Variants in KLHL1 observed in about 807,000 individuals in gnomAD.
KLHL1 encodes the protein kelch-like protein 1.
KLHL1 carries 47 observed loss-of-function variants against 77.7 expected under a neutral mutation model. The observed-to-expected ratio is 0.60, with a 90% CI of 0.48 to 0.77. The LOEUF is 0.77. KLHL1 is among the 30% of genes least tolerant of loss of function. KLHL1 has a pLI of 0.00. For synonymous variants in KLHL1, 360 were observed against 325.2 expected, an observed-to-expected ratio of 1.11 and a Z score of -1.15; for missense variants, 925 against 910.8, an observed-to-expected ratio of 1.02 and a Z score of -0.20.
At chr13:69,823,456 A>G (rs1311223629) in intron 6 of KLHL1, among the ~76,000 whole-genome samples, 1 of 152,064 alleles carries the variant, frequency 6.6e-6, no homozygotes, top group African/African-American at 2.4e-5. Flanking sequence ...AAATTAAAAA[A>G]TCATTAAAAT....
At chr13:69,815,999 G>T (rs1878105090) in intron 6 of KLHL1, among the ~76,000 whole-genome samples, 1 of 151,122 alleles carries the variant, frequency 6.6e-6, no homozygotes, top group Admixed American at 6.6e-5. Context: ...TAATCAAGAG[G>T]AAAAATAGAA....
chr13:69,705,976 G>A (rs894073919), intron 10 of KLHL1, among the ~76,000 whole-genome samples: 1 of 151,392 alleles, frequency 6.6e-6, no homozygotes, highest in African/African-American at 2.4e-5. Flanking sequence ...GTTCTTTTAA[G>A]TGGAACATTT....
At chr13:69,820,119 C>G (rs920214193) in intron 6 of KLHL1, among the ~76,000 whole-genome samples, 4 of 152,124 alleles carry the variant, frequency 2.6e-5, no homozygotes, top group African/African-American at 9.7e-5. Flanking sequence ...GGCCCATCAG[C>G]CCCATACCCT....
intron 1 of KLHL1, among the ~76,000 whole-genome samples, chr13:70,057,877 A>G (rs1428103523): frequency 6.6e-6 from 1 of 152,240 alleles, no homozygotes; most frequent in African/African-American, 2.4e-5. Flanking sequence ...TCCTCAATAA[A>G]TTATGAGCAA....
At chr13:69,973,309 A>G (rs1357647752) in intron 2 of KLHL1, among the ~76,000 whole-genome samples, 2 of 151,878 alleles carry the variant, frequency 1.3e-5, no homozygotes, top group Admixed American at 6.6e-5. Context: ...TATGTTAACT[A>G]AAAATAAAAT....
intron 7 of KLHL1, among the ~76,000 whole-genome samples, chr13:69,753,851 A>G (rs371224160): frequency 4.1e-5 from 6 of 145,048 alleles, no homozygotes; most frequent in Admixed American, 2.7e-4. Flanking sequence ...GAAAAAAAAA[A>G]TTTTGAGACC....
intron 1 of KLHL1, among the ~76,000 whole-genome samples, chr13:69,993,856 G>C (rs1224193809): frequency 1.3e-5 from 2 of 152,074 alleles, no homozygotes. Flanking sequence ...CAAGATACTG[G>C]CATCAGAATG....
In KLHL1 at chr13:69,926,946, C is replaced by CAAAAAAAAAAAAAA. The variant is rs71116960; in HGVS notation, c.1014+13080_1014+13093dup. On this transcript the variant is annotated intron_variant, in intron 4 of 10. Transcript: ENST00000377844. ...TGGGTGACAGAGTGAGACTCCATCT[C>CAAAAAAAAAAAAAA]AAAAAAAAAAAAAAAAAAAAAAAAG... Among the ~76,000 whole-genome samples the CAAAAAAAAAAAAAA allele has an allele frequency of 1.7e-4, 6 of 36,038 alleles. 2 individuals carry two copies. Among genetic ancestry groups the CAAAAAAAAAAAAAA allele is most frequent in the African/African-American group, 3.8e-4 (3 of 7,794 alleles). 23.6% of individuals were successfully genotyped at this position (36,038 alleles called of 152,430 possible).
At chr13:69,905,416 C>A (rs1882013617) in intron 4 of KLHL1, among the ~76,000 whole-genome samples, 1 of 151,998 alleles carries the variant, frequency 6.6e-6, no homozygotes, top group Non-Finnish European at 1.5e-5. Flanking sequence ...CAAATGCTGG[C>A]ATTAGTTACA....
intron 5 of KLHL1, among the ~76,000 whole-genome samples, chr13:69,872,365 A>T (rs1401696580): frequency 6.6e-6 from 1 of 152,176 alleles, no homozygotes; most frequent in Non-Finnish European, 1.5e-5. Flanking sequence ...TAAAGCTTGT[A>T]TGACATAAAG....
chr13:69,868,125 G>A (rs1246347189), intron 5 of KLHL1, among the ~76,000 whole-genome samples: 4 of 151,904 alleles, frequency 2.6e-5, no homozygotes, highest in African/African-American at 9.7e-5. Context: ...TTAAATACTT[G>A]ACTTTGGGTA....
chr13:70,013,732 T>G (rs1047447483), intron 1 of KLHL1, among the ~76,000 whole-genome samples: 2 of 152,200 alleles, frequency 1.3e-5, no homozygotes. Flanking sequence ...TAGGATGTAT[T>G]ATTTTAGCTC....
intron 7 of KLHL1, among the ~76,000 whole-genome samples, chr13:69,775,534 A>G (rs1164886085): frequency 1.3e-5 from 2 of 152,172 alleles, no homozygotes; most frequent in Non-Finnish European, 2.9e-5. Context: ...ACTGTTTTCT[A>G]TTAGGGCTTA....
At chr13:69,776,191 T>C (rs967474757) in intron 7 of KLHL1, among the ~76,000 whole-genome samples, 2 of 152,170 alleles carry the variant, frequency 1.3e-5, no homozygotes, top group South Asian at 4.2e-4. Context: ...TAATTGTTCT[T>C]ATGGAGAATC....
At chr13:69,728,361 T>C (rs1421575880) in intron 8 of KLHL1, among the ~76,000 whole-genome samples, 2 of 152,026 alleles carry the variant, frequency 1.3e-5, no homozygotes, top group Admixed American at 6.6e-5. Flanking sequence ...CTTTAAGCCA[T>C]ATGTGCTTCA....
chr13:69,766,510 ACT>A (rs1334694000), intron 7 of KLHL1, among the ~76,000 whole-genome samples: 1 of 150,640 alleles, frequency 6.6e-6, no homozygotes, highest in African/African-American at 2.4e-5. Flanking sequence ...AGAGTGCTTG[ACT>A]CTGTTTATAA....
chr13:69,861,727 C>A (rs963103832), intron 5 of KLHL1, among the ~76,000 whole-genome samples: 1 of 144,950 alleles, frequency 6.9e-6, no homozygotes, highest in Non-Finnish European at 1.5e-5. Context: ...CAGGGTGGAT[C>A]ACCTGAGGTC....
chr13:69,954,721 A>G (rs563475578), intron 3 of KLHL1, among the ~76,000 whole-genome samples: 86 of 151,410 alleles, frequency 5.7e-4, no homozygotes, highest in Middle Eastern at 3.4e-3. Flanking sequence ...TAACAGTCAC[A>G]AAATTGAAAT....
chr13:69,740,139 C>A (rs1873925172), intron 8 of KLHL1, among the ~76,000 whole-genome samples: 1 of 152,110 alleles, frequency 6.6e-6, no homozygotes, highest in South Asian at 2.1e-4. Flanking sequence ...GGCTACTCAA[C>A]TATTTATTCA....
Sources: gnomAD v4.1 joint callset for allele counts (sites outside exome capture counted in the v4.1 genomes callset) on GRCh38, gnomAD v4.1.1 for gene constraint, MANE v1.5 for transcripts, NCBI Gene and HGNC (gene_info 2026-07-23, HGNC 2026-07-21) for gene names.